FRMD4B: variants seen among roughly 807,000 people sequenced by gnomAD.
FRMD4B encodes the protein FERM domain-containing protein 4B.
In FRMD4B, 74 loss-of-function variants were observed where a neutral mutation model predicts 141.5. That is an observed-to-expected ratio of 0.52 (90% CI 0.43 to 0.63). The LOEUF (loss-of-function observed/expected upper bound fraction) is 0.63, where lower values mean the gene tolerates loss of function less well. Ranked by LOEUF, FRMD4B falls within the 30% of genes least tolerant of loss-of-function variation. FRMD4B has a pLI of 0.00. For missense variants in FRMD4B, 1,366 were observed against 1,253.4 expected (o/e 1.09, Z -1.36); for synonymous variants, 506 against 467.9 (o/e 1.08, Z -1.05).
intron 2 of FRMD4B, among the ~76,000 whole-genome samples, chr3:69,429,878 G>A (rs1178559557): frequency 2.0e-5 from 3 of 149,930 alleles, no homozygotes; most frequent in African/African-American, 7.4e-5. Context: ...TCCTGCCTCA[G>A]CCTCCCAAGT....
intron 2 of FRMD4B, among the ~76,000 whole-genome samples, chr3:69,419,378 T>C (rs1447180692): frequency 1.3e-5 from 2 of 151,992 alleles, no homozygotes; most frequent in Non-Finnish European, 2.9e-5. Context: ...ATTGATCTCA[T>C]GCTCAGGCAG....
intron 5 of FRMD4B, among the ~76,000 whole-genome samples, chr3:69,256,469 G>A (rs967706447): frequency 7.2e-5 from 11 of 152,102 alleles, no homozygotes; most frequent in African/African-American, 9.7e-5. Flanking sequence ...ACAAGCACAC[G>A]CTACCACACC....
chr3:69,385,381 G>A (rs374133283), intron 1 of FRMD4B, among the ~76,000 whole-genome samples: 2 of 152,238 alleles, frequency 1.3e-5, no homozygotes, highest in East Asian at 1.9e-4. Flanking sequence ...ATGGAAAACT[G>A]AAAATCCAAC....
chr3:69,437,900 C>A (rs1344364073), intron 1 of FRMD4B, among the ~76,000 whole-genome samples: 2 of 129,504 alleles, frequency 1.5e-5, no homozygotes, highest in African/African-American at 6.0e-5. Context: ...ATAATATATA[C>A]TATTATTGTA....
intron 1 of FRMD4B, among the ~76,000 whole-genome samples, chr3:69,473,588 T>C (rs1032037553): frequency 9.2e-5 from 14 of 152,186 alleles, no homozygotes; most frequent in African/African-American, 3.4e-4. Context: ...CTTTTAATCA[T>C]CCAAGTATAT....
chr3:69,257,192 C>A (rs1171121142), intron 5 of FRMD4B, among the ~76,000 whole-genome samples: 1 of 152,192 alleles, frequency 6.6e-6, no homozygotes. Flanking sequence ...CTATATAAAG[C>A]ATAAGGGCTC....
chr3:69,180,811 G>T, intron 21 of FRMD4B, 88 bp downstream of exon 21: 1 of 869,650 alleles, frequency 1.1e-6, no homozygotes, highest in Non-Finnish European at 1.8e-6. Context: ...CTGAGTACTG[G>T]TCTCATGATC....
rs1248893016 is a variant in FRMD4B, at chr3:69,181,130, G to A, written c.2620C>T (p.Arg874Trp). Residue 874 changes from arginine to tryptophan, a missense_variant, in exon 21 of 23, where the codon CGG becomes TGG. Physicochemically the swap from Arg to Trp is moderately radical, Grantham distance 101. Coordinates refer to ENST00000398540, the MANE Select transcript of FRMD4B (RefSeq NM_015123.3). ...RVPHNPYATL[R>W]LPRKAAAKSE... ...TTTGCAGCAGCCTTCCTTGGCAGCC[G>A]GAGAGTTGCATATGGGTTATGGGGT... The A allele has an allele frequency of 9.3e-6, 15 of 1,613,944 alleles. No individual in the cohort carries two copies. The highest frequency in any genetic ancestry group is 1.2e-5 in the Non-Finnish European group (14 of 1,179,856).
At chr3:69,261,074 C>T (rs1156641467) in intron 5 of FRMD4B, among the ~76,000 whole-genome samples, 2 of 152,170 alleles carry the variant, frequency 1.3e-5, no homozygotes, top group African/African-American at 4.8e-5. Flanking sequence ...GATTTCGCAA[C>T]CTGCTTGGGT....
chr3:69,386,249 G>A (rs1452256304), upstream of FRMD4B: 1 of 361,448 alleles, frequency 2.8e-6, no homozygotes, highest in South Asian at 7.9e-5. Flanking sequence ...CGCCGAGCAA[G>A]CTGTGCTAAG....
At chr3:69,211,231 A>G (rs1575613338) in intron 11 of FRMD4B, among the ~76,000 whole-genome samples, 1 of 152,116 alleles carries the variant, frequency 6.6e-6, no homozygotes, top group African/African-American at 2.4e-5. Context: ...CAACCACCCT[A>G]CACAGTTGGT....
At chr3:69,232,828 G>C (rs533920489) in intron 7 of FRMD4B, among the ~76,000 whole-genome samples, 27 of 151,222 alleles carry the variant, frequency 1.8e-4, no homozygotes, top group African/African-American at 6.6e-4. Context: ...GTCTATGCTT[G>C]GTGTGGGGGC....
intron 21 of FRMD4B, among the ~76,000 whole-genome samples, chr3:69,177,157 G>A (rs957257771): frequency 1.2e-4 from 18 of 152,092 alleles, no homozygotes; most frequent in Non-Finnish European, 1.6e-4. Flanking sequence ...GGCCAACATG[G>A]TGAAACCCTG....
At chr3:69,309,123 A>G (rs1223945400) in intron 3 of FRMD4B, among the ~76,000 whole-genome samples, 1 of 151,890 alleles carries the variant, frequency 6.6e-6, no homozygotes, top group African/African-American at 2.4e-5. Context: ...TTCAAAAAAT[A>G]TTTTATTTTC....
intron 1 of FRMD4B, among the ~76,000 whole-genome samples, chr3:69,533,036 T>C (rs1038909431): frequency 6.6e-6 from 1 of 152,204 alleles, no homozygotes; most frequent in Non-Finnish European, 1.5e-5. Context: ...ACACATTCAG[T>C]GTTTATTTGA....
intron 7 of FRMD4B, among the ~76,000 whole-genome samples, chr3:69,234,893 A>G (rs2093334268): frequency 6.6e-6 from 1 of 152,166 alleles, no homozygotes; most frequent in South Asian, 2.1e-4. Flanking sequence ...TCATGCCTGT[A>G]ATCCCAGCAC....
chr3:69,489,666 A>C (rs1706272132), intron 1 of FRMD4B, among the ~76,000 whole-genome samples: 1 of 152,338 alleles, frequency 6.6e-6, no homozygotes, highest in Non-Finnish European at 1.5e-5. Context: ...CCACTTTGGA[A>C]AAGTCTAGCA....
At chr3:69,209,080 G>C (rs2093051787) in intron 11 of FRMD4B, among the ~76,000 whole-genome samples, 1 of 151,352 alleles carries the variant, frequency 6.6e-6, no homozygotes, top group Non-Finnish European at 1.5e-5. Context: ...GGAGGTGGAG[G>C]TTGCAGTGAG....
chr3:69,229,176 C>T (rs1430220414), intron 7 of FRMD4B, among the ~76,000 whole-genome samples: 1 of 152,004 alleles, frequency 6.6e-6, no homozygotes, highest in Non-Finnish European at 1.5e-5. Context: ...CAGCTGCGTG[C>T]CACCATGTCT....
Sources: allele counts gnomAD v4.1 joint callset (sites outside exome capture counted in the v4.1 genomes callset), GRCh38; gene constraint gnomAD v4.1.1; transcripts MANE v1.5; gene names NCBI Gene and HGNC (gene_info 2026-07-23, HGNC 2026-07-21).